The following TAX1BP1 variants were observed in gnomAD, a reference collection of about 807,000 sequenced individuals.
TAX1BP1 encodes the protein tax1-binding protein 1.
In TAX1BP1, 62 loss-of-function variants were observed where a neutral mutation model predicts 97.7. The ratio of observed to expected loss-of-function variants is 0.63; its 90% confidence interval spans 0.52 to 0.78. TAX1BP1 has a LOEUF of 0.78. Ranked by LOEUF, TAX1BP1 falls within the 30% of genes least tolerant of loss-of-function variation. The pLI is 0.00. For synonymous variants in TAX1BP1, 340 were observed against 304.2 expected, an observed-to-expected ratio of 1.12 and a Z score of -1.23; for missense variants, 867 against 916.1, an observed-to-expected ratio of 0.95 and a Z score of 0.69.
intron 4 of TAX1BP1, among the ~76,000 whole-genome samples, chr7:27,767,705 A>G (rs1408939560): frequency 6.6e-6 from 1 of 152,088 alleles, no homozygotes; most frequent in Non-Finnish European, 1.5e-5. Flanking sequence ...CTCCAACAGA[A>G]AAGTGATGGG....
chr7:27,769,892 T>C, intron 5 of TAX1BP1, 58 bp downstream of exon 5: 9 of 1,537,016 alleles, frequency 5.9e-6, no homozygotes, highest in Non-Finnish European at 7.1e-6. Flanking sequence ...GAAACCCACC[T>C]TTTTAAAGAG....
intron 8 of TAX1BP1, among the ~76,000 whole-genome samples, chr7:27,791,115 A>G (rs1789689430): frequency 6.6e-6 from 1 of 152,080 alleles, no homozygotes; most frequent in African/African-American, 2.4e-5. Flanking sequence ...TTTGACATAT[A>G]GAAGTTGGCG....
At chr7:27,750,355 T>C (rs1787975819) in intron 2 of TAX1BP1, among the ~76,000 whole-genome samples, 1 of 152,236 alleles carries the variant, frequency 6.6e-6, no homozygotes, top group African/African-American at 2.4e-5. Flanking sequence ...TTTTATGTTT[T>C]GGATTTGGGA....
Position 27,748,570 on chromosome 7 carries a change from C to A in TAX1BP1, c.46C>A (p.His16Asn). 1 of 1,603,144 alleles carries A rather than the reference C, an allele frequency of 6.2e-7. No individual in the cohort carries two copies. The highest frequency in any genetic ancestry group is 8.5e-7 in the Non-Finnish European group (1 of 1,173,986). Residue 16 changes from histidine (H) to asparagine (N), a missense_variant, in exon 2 of 17, where the codon CAT (histidine) becomes AAT (asparagine). Physicochemically the swap from His to Asn is moderately conservative, Grantham distance 68. This residue lies in a region of TAX1BP1 where 822 missense variants were observed against 851.4 expected (regional missense o/e 0.97). Transcript: ENST00000396319. ...CCCATTGCAGACTTCCAACTTTGCC[C>A]ATGTCATCTTTCAAAATGTGGCCAA... ...EVPLQTSNFAHVIFQNVAKSY... is the reference protein window; with the variant it reads ...EVPLQTSNFANVIFQNVAKSY...
intron 5 of TAX1BP1, among the ~76,000 whole-genome samples, chr7:27,784,753 G>A (rs539901883): frequency 5.9e-5 from 9 of 152,154 alleles, no homozygotes; most frequent in African/African-American, 1.9e-4. Context: ...CACTTTTGGA[G>A]GCCGAGGCAG....
chr7:27,786,308 T>C (rs1260801743), intron 7 of TAX1BP1, among the ~76,000 whole-genome samples: 1 of 150,964 alleles, frequency 6.6e-6, no homozygotes, highest in Non-Finnish European at 1.5e-5. Flanking sequence ...ATTTTTTGTA[T>C]TTTTTTAGTA....
At position 27,801,079 on chromosome 7, in the gene TAX1BP1, G is replaced by A. The variant is rs558946469; in HGVS notation, c.1764+989G>A. Among the ~76,000 whole-genome samples the A allele has an allele frequency of 3.4e-5, 5 of 148,754 alleles. No homozygotes were observed. In the East Asian group the frequency reaches 5.9e-4, roughly 17 times the overall value. On this transcript the variant is annotated intron_variant, in intron 13 of 16. Transcript: ENST00000396319. ...AGATCATGCCATTGCACTCCAGCCC[G>A]GGTGACAGTGTGAGACTCCGTCTCA... is the stretch of plus-strand genomic sequence containing the variant.
Position 27,817,078 on chromosome 7 carries a change from A to G in TAX1BP1, c.2085+40A>G, listed in dbSNP as rs777813119. 28 of 1,584,334 alleles carry G rather than the reference A, an allele frequency of 1.8e-5. No homozygotes were observed. In the South Asian group the frequency reaches 1.8e-4, roughly 10 times the overall value. On this transcript the variant is annotated intron_variant, in intron 15 of 16. Transcript: ENST00000396319. ...CATTGTGTGAGCCTGTCCCTTTTTT[A>G]TTTTTTAGCTTATGTAGAGAGTTAA...
intron 2 of TAX1BP1, among the ~76,000 whole-genome samples, chr7:27,753,370 A>G (rs1475444012): frequency 2.0e-5 from 3 of 152,254 alleles, no homozygotes; most frequent in Admixed American, 2.0e-4. Flanking sequence ...ATTGCAGTAA[A>G]ATACTATATG....
At position 27,828,864 on chromosome 7, in the gene TAX1BP1, TAAA is replaced by T. The variant is rs34270007; in HGVS notation, c.*50_*52del. The T allele has an allele frequency of 1.6e-3, 1,532 of 983,768 alleles. No individual in the cohort carries two copies. The highest frequency in any genetic ancestry group is 1.7e-3 in the East Asian group (61 of 35,862). The allele number at this position is 983,768 out of a possible 1,614,324, so 60.9% of individuals were successfully genotyped here. On this transcript the variant is annotated 3_prime_UTR_variant, in exon 17 of 17. Transcript: ENST00000396319. ...ATTATGAGTTAATATAGTTTAGCAG[TAAA>T]AAAAAAAAAAAAAACCACACCTAAA...
At chr7:27,751,443 AC>A (rs1442947866) in intron 2 of TAX1BP1, among the ~76,000 whole-genome samples, 3 of 152,208 alleles carry the variant, frequency 2.0e-5, no homozygotes, top group Non-Finnish European at 1.5e-5. Flanking sequence ...ATACACACAT[AC>A]TACTGATGCA....
At chr7:27,788,701 C>CT (rs1789584827) in intron 8 of TAX1BP1, among the ~76,000 whole-genome samples, 1 of 151,968 alleles carries the variant, frequency 6.6e-6, no homozygotes, top group Non-Finnish European at 1.5e-5. Flanking sequence ...TTCAAGCCTG[C>CT]TTTTTTGTCC....
Position 27,799,983 on chromosome 7 carries a change from A to C in TAX1BP1, c.1657A>C (p.Asn553His). ...QLLQDEKAKC[N>H]KYADELAKME... ...CATTTAGGATGAGAAAGCAAAATGCAATAAATATGCTGATGAACTTGCAAA... is the reference window on the plus strand; with the variant it reads ...CATTTAGGATGAGAAAGCAAAATGCCATAAATATGCTGATGAACTTGCAAA... The change falls in exon 13 of 17, where the codon AAT becomes CAT. Residue 553 changes from asparagine (N) to histidine (H), a missense_variant. Physicochemically the swap from Asn to His is moderately conservative, Grantham distance 68. Around this residue, in one of 3 missense-constraint regions of TAX1BP1, gnomAD observed 822 missense variants for 851.4 expected, o/e 0.97. Coordinates refer to ENST00000396319, the MANE Select transcript of TAX1BP1 (RefSeq NM_006024.7). 1 of 1,596,984 alleles carries C rather than the reference A, an allele frequency of 6.3e-7. No homozygotes were observed. Among genetic ancestry groups the C allele is most frequent in the Non-Finnish European group, 8.5e-7 (1 of 1,174,138 alleles).
At chr7:27,813,714 C>A (rs774714074) in intron 13 of TAX1BP1, among the ~76,000 whole-genome samples, 32 of 152,216 alleles carry the variant, frequency 2.1e-4, no homozygotes, top group Middle Eastern at 3.4e-3. Context: ...CCTGCTTTGG[C>A]CTCCCAAGTG....
intron 1 of TAX1BP1, among the ~76,000 whole-genome samples, chr7:27,745,613 A>G (rs931520846): frequency 2.1e-4 from 32 of 152,160 alleles, no homozygotes; most frequent in Non-Finnish European, 1.2e-4. Context: ...AGAGAGATTA[A>G]TGAAGGCCAT....
chr7:27,775,180 A>G (rs979269200), intron 5 of TAX1BP1, among the ~76,000 whole-genome samples: 1 of 152,186 alleles, frequency 6.6e-6, no homozygotes, highest in Non-Finnish European at 1.5e-5. Flanking sequence ...AAGTAAACTA[A>G]GACATACCGT....
intron 15 of TAX1BP1, among the ~76,000 whole-genome samples, chr7:27,824,093 A>G (rs143567598): frequency 6.0e-4 from 92 of 152,316 alleles, no homozygotes; most frequent in Non-Finnish European, 1.0e-3. Flanking sequence ...GTGATTGAAC[A>G]TATCTGTTCA....
chr7:27,774,671 C>T (rs1788961583), intron 5 of TAX1BP1, among the ~76,000 whole-genome samples: 2 of 152,042 alleles, frequency 1.3e-5, no homozygotes, highest in South Asian at 4.1e-4. Context: ...CTTGGACAGT[C>T]CTGGTTTACT....
chr7:27,783,019 A>G (rs1312771186), intron 5 of TAX1BP1, among the ~76,000 whole-genome samples: 3 of 152,118 alleles, frequency 2.0e-5, no homozygotes, highest in Non-Finnish European at 4.4e-5. Flanking sequence ...ACTTGTGGGA[A>G]TTGGTAATAG....
Sources: allele counts gnomAD v4.1 joint callset (sites outside exome capture counted in the v4.1 genomes callset), GRCh38; gene constraint gnomAD v4.1.1; regional missense constraint gnomAD v4.1.1; transcripts MANE v1.5; gene names NCBI Gene and HGNC (gene_info 2026-07-23, HGNC 2026-07-21).